Variants in POC1A observed in about 807,000 individuals in gnomAD.
POC1A encodes POC1 centriolar protein homolog A.
In POC1A, 34 loss-of-function variants were observed where a neutral mutation model predicts 47.8. The ratio of observed to expected loss-of-function variants is 0.71; its 90% CI spans 0.54 to 0.95. POC1A has a LOEUF of 0.95. Among genes scored for constraint, POC1A ranks in the 40% least tolerant of loss-of-function variants. The pLI is 0.00. For synonymous variants in POC1A, 177 were observed against 207.6 expected (o/e 0.85, Z 1.27); for missense variants, 466 against 528.3 (o/e 0.88, Z 1.16).
At chr3:52,137,308 C>T in intron 7 of POC1A, among the ~76,000 whole-genome samples, 1 of 152,088 alleles carries the variant, frequency 6.6e-6, no homozygotes, top group East Asian at 1.9e-4. Context: ...GAAACCCAAA[C>T]AACAGCTCAG....
chr3:52,079,322 G>A lies in POC1A; in HGVS notation c.1126-3337C>T, dbSNP rs940035351. Among the ~76,000 whole-genome samples the A allele has an allele frequency of 1.3e-5, 2 of 152,144 alleles. No individual in the cohort carries two copies. The highest frequency in any genetic ancestry group is 2.9e-5 in the Non-Finnish European group (2 of 68,026). ...CCCAGCCAAGCAGGCTGCTCTCGTC[G>A]CCTCATGCTCCGTCCAGCCCGGGAA... On this transcript the variant is annotated intron_variant, in intron 10 of 10. Transcript: ENST00000296484. This position sits in a 1 kb window ranked among gnomAD's most constrained non-coding sequence, Gnocchi z 4.6.
At chr3:52,128,200 C>G (rs1375863683) in intron 7 of POC1A, among the ~76,000 whole-genome samples, 1 of 152,158 alleles carries the variant, frequency 6.6e-6, no homozygotes, top group Non-Finnish European at 1.5e-5. Flanking sequence ...GTCACAGCAA[C>G]TAAGGGAAAA....
intron 9 of POC1A, among the ~76,000 whole-genome samples, chr3:52,097,401 G>A (rs2106977779): frequency 1.3e-5 from 2 of 152,372 alleles, no homozygotes; most frequent in Middle Eastern, 6.8e-3. Flanking sequence ...TCCAGGAGGT[G>A]AGGGGCTTAG....
chr3:52,113,181 G>T (rs1703441823), intron 9 of POC1A, among the ~76,000 whole-genome samples: 1 of 152,188 alleles, frequency 6.6e-6, no homozygotes, highest in Non-Finnish European at 1.5e-5. Context: ...GCTTATCAAA[G>T]GCAACTCCTC....
chr3:52,131,211 C>T (rs1379612343), intron 7 of POC1A, among the ~76,000 whole-genome samples: 28 of 150,990 alleles, frequency 1.9e-4, no homozygotes, highest in Non-Finnish European at 4.4e-5. Context: ...TCAGAAAATA[C>T]AGAAAGATAA....
rs1019327129 is a variant in POC1A at position 52,090,046 on chromosome 3, T to C, written c.1125+6523A>G. Among the ~76,000 whole-genome samples the C allele has an allele frequency of 6.6e-6, 1 of 152,182 alleles. No homozygotes were observed. The highest frequency in any genetic ancestry group is 1.5e-5 in the Non-Finnish European group (1 of 68,042). On this transcript the variant is annotated intron_variant, in intron 10 of 10. Transcript: ENST00000296484. The surrounding 1 kb of genome is among the most constrained non-coding windows in gnomAD (Gnocchi z 4.2). The stretch of plus-strand genomic sequence containing the variant: ...CCCAAAGCAAACAGGCAAAAATCCT[T>C]GGCCTTGTTGAGTTAGGACAGCAAA...
At chr3:52,154,007 G>A (rs1379690198) in intron 1 of POC1A, among the ~76,000 whole-genome samples, 1 of 152,250 alleles carries the variant, frequency 6.6e-6, no homozygotes, top group East Asian at 1.9e-4. Context: ...AAGACCCCAC[G>A]CAGCCACCCA....
Position 52,142,125 on chromosome 3 carries a change from C to T in POC1A, c.679+3721G>A, listed in dbSNP as rs201045608. On this transcript the variant is annotated intron_variant, in intron 6 of 10. Transcript: ENST00000296484. Reference sequence around the variant, plus strand: ...GCTGTGTGACTGTGGGCTGCATGCTCCGCATCTGTGAAATGGAGGGTAGAC... The same window carrying T: ...GCTGTGTGACTGTGGGCTGCATGCTTCGCATCTGTGAAATGGAGGGTAGAC... Among the ~76,000 whole-genome samples the T allele has an allele frequency of 2.0e-5, 3 of 152,352 alleles. No individual in the cohort carries two copies. In the East Asian group the frequency reaches 5.8e-4, roughly 29 times the overall value.
chr3:52,084,640 G>A lies in POC1A; in HGVS notation c.1126-8655C>T, dbSNP rs1208471742. On this transcript the variant is annotated intron_variant, in intron 10 of 10. Transcript: ENST00000296484. The surrounding 1 kb of genome is among the most constrained non-coding windows in gnomAD (Gnocchi z 4.3). ...ACTTCTCCAAGTGCAGGCTTCACTCGAGGCTTCCCCAGTCCATCCCCCTGC... is the reference window on the plus strand; with the variant it reads ...ACTTCTCCAAGTGCAGGCTTCACTCAAGGCTTCCCCAGTCCATCCCCCTGC... Among the ~76,000 whole-genome samples the A allele has an allele frequency of 1.3e-5, 2 of 152,222 alleles. No individual in the cohort carries two copies. Among genetic ancestry groups the A allele is most frequent in the African/African-American group, 2.4e-5 (1 of 41,456 alleles).
intron 9 of POC1A, among the ~76,000 whole-genome samples, chr3:52,120,578 G>C (rs563753442): frequency 2.0e-5 from 3 of 152,344 alleles, no homozygotes; most frequent in South Asian, 2.1e-4. Flanking sequence ...GGAAGACCAG[G>C]TGTTTTGCCT....
chr3:52,076,718 C>T (rs1241827878), intron 10 of POC1A, among the ~76,000 whole-genome samples: 1 of 152,278 alleles, frequency 6.6e-6, no homozygotes, highest in Admixed American at 6.5e-5. Context: ...CAGTTGCTCA[C>T]TCTGACCATG....
rs140273870 is a variant in POC1A at position 52,146,381 on chromosome 3, A to G, written c.564-420T>C. ...CAGGGCCATTGGCCCACCCCTTTCT[A>G]GGAGACAGGCCAAGGACCCTCACCA... is the stretch of plus-strand genomic sequence containing the variant. On this transcript the variant is annotated intron_variant, in intron 5 of 10. Transcript: ENST00000296484. Among the ~76,000 whole-genome samples the G allele has an allele frequency of 1.9e-3, 290 of 152,354 alleles. 2 individuals carry two copies. The highest frequency in any genetic ancestry group is 6.5e-3 in the African/African-American group (269 of 41,580).
rs1702092933 is a variant in POC1A at position 52,075,617 on chromosome 3, C to T, written c.*270G>A. 1 of 291,658 alleles carries T rather than the reference C, an allele frequency of 3.4e-6. No homozygotes were observed. Among genetic ancestry groups the T allele is most frequent in the East Asian group, 5.9e-5 (1 of 17,036 alleles). 18.1% of individuals were successfully genotyped at this position (291,658 alleles called of 1,614,324 possible). A position where few individuals can be genotyped will look rare whatever the true frequency, so the allele number is the denominator to read the frequency against. ...CGAAGGAGCAGACATTTTCAAGTGG[C>T]TCCTTTACATTAAGCAAAATGTGGT... is the stretch of plus-strand genomic sequence containing the variant. On this transcript the variant is annotated 3_prime_UTR_variant, in exon 11 of 11. Coordinates refer to ENST00000296484, the MANE Select transcript of POC1A (RefSeq NM_015426.5).
At chr3:52,106,883 G>A (rs1338401836) in intron 9 of POC1A, among the ~76,000 whole-genome samples, 1 of 152,246 alleles carries the variant, frequency 6.6e-6, no homozygotes, top group African/African-American at 2.4e-5. Flanking sequence ...CTCTCTGCAA[G>A]CATTTCCAAG....
Position 52,080,262 on chromosome 3 carries a change from T to A in POC1A, c.1126-4277A>T, listed in dbSNP as rs145868416. Among the ~76,000 whole-genome samples, 3 of 152,282 alleles carry A rather than the reference T, an allele frequency of 2.0e-5. No individual in the cohort carries two copies. The East Asian group carries it at 5.8e-4, about 29-fold the overall frequency. Reference sequence around the variant, plus strand: ...ACACTAAAGCACTGGGTAGTGTGCATCTTGGCTCTGTCCCCATCAAGAATG... The same window carrying A: ...ACACTAAAGCACTGGGTAGTGTGCAACTTGGCTCTGTCCCCATCAAGAATG... On this transcript the variant is annotated intron_variant, in intron 10 of 10. Coordinates refer to ENST00000296484, the MANE Select transcript of POC1A (RefSeq NM_015426.5).
intron 10 of POC1A, among the ~76,000 whole-genome samples, chr3:52,086,440 A>C (rs1284530649): frequency 6.6e-6 from 1 of 152,236 alleles, no homozygotes; most frequent in African/African-American, 2.4e-5. Flanking sequence ...ATACAATAAA[A>C]GGGGAATCTC....
At chr3:52,128,965 T>C (rs764278755) in intron 7 of POC1A, among the ~76,000 whole-genome samples, 10 of 152,218 alleles carry the variant, frequency 6.6e-5, no homozygotes, top group African/African-American at 9.6e-5. Context: ...CTTCAGCCCA[T>C]TGGTTGTTTG....
intron 9 of POC1A, among the ~76,000 whole-genome samples, chr3:52,107,449 C>T (rs1382626981): frequency 6.6e-6 from 1 of 152,256 alleles, no homozygotes; most frequent in African/African-American, 2.4e-5. Context: ...CACAGGCAAG[C>T]AGGCAACCCG....
intron 10 of POC1A, among the ~76,000 whole-genome samples, chr3:52,085,107 C>G (rs2106938038): frequency 6.6e-6 from 1 of 152,290 alleles, no homozygotes. Context: ...GGTGAACACA[C>G]AGGACCATGC....
Sources: allele counts gnomAD v4.1 joint callset (sites outside exome capture counted in the v4.1 genomes callset), GRCh38; gene constraint gnomAD v4.1.1; non-coding constraint Gnocchi (gnomAD v3.1); transcripts MANE v1.5; gene names NCBI Gene and HGNC (gene_info 2026-07-23, HGNC 2026-07-21).